Variants in ZNF568 observed in about 807,000 individuals in gnomAD.
The protein encoded by ZNF568 is p53 inhibitor of SCO2 activation.
In ZNF568, 11 loss-of-function variants were observed where a neutral mutation model predicts 18.1. The ratio of observed to expected loss-of-function variants is 0.61; its 90% CI spans 0.38 to 1.00. The LOEUF is 1.00. Ranked by LOEUF, ZNF568 falls within the 50% of genes least tolerant of loss-of-function variation. The probability of loss-of-function intolerance (pLI) is 0.01; values close to 1 mark genes in which losing one functional copy is unlikely to be tolerated. For missense variants in ZNF568, 639 were observed against 768.2 expected (o/e 0.83, Z 1.99); for synonymous variants, 213 against 246.6 (o/e 0.86, Z 1.28).
At chr19:36,991,475 C>T in intron 3 of ZNF568, 1 of 899,068 alleles carries the variant, frequency 1.1e-6, no homozygotes, top group Non-Finnish European at 1.6e-6. Context: ...TGGAAATTGG[C>T]TGTTCCAGCA....
chr19:36,991,075 A>G (rs1004026225), intron 2 of ZNF568: 2 of 1,306,572 alleles, frequency 1.5e-6, no homozygotes, highest in Non-Finnish European at 2.1e-6. Context: ...TGTTTTCCTA[A>G]TGGAACTTCC....
At chr19:36,964,745 G>A (rs1027821954) in intron 6 of ZNF568, among the ~76,000 whole-genome samples, 1 of 152,124 alleles carries the variant, frequency 6.6e-6, no homozygotes, top group Admixed American at 6.5e-5. Flanking sequence ...AGCTCAGGAG[G>A]TTGGGGCTGC....
Position 36,950,328 on chromosome 19 carries a change from G to T in ZNF568, c.1175G>T (p.Cys392Phe), listed in dbSNP as rs748511814. The T allele has an allele frequency of 1.2e-6, 2 of 1,613,838 alleles. No homozygotes were observed. The highest frequency in any genetic ancestry group is 1.7e-6 in the Non-Finnish European group (2 of 1,179,834). ...CACACAGGGGAGAAACCCTATAAAT[G>T]TAATAAATGTGGAAAAGCTTTCTCT... ...RSHTGEKPYK[C>F]NKCGKAFSQC... The change falls in exon 7 of 7, where the codon TGT becomes TTT. Residue 392 changes from cysteine to phenylalanine, a missense_variant. Cys to Phe is a radical substitution (Grantham distance 205). Coordinates refer to ENST00000333987, the MANE Select transcript of ZNF568 (RefSeq NM_198539.4).
rs948386224 is a variant in ZNF568 at position 36,968,959 on chromosome 19, G to A, written c.359-5461G>A. Among the ~76,000 whole-genome samples the A allele has an allele frequency of 4.6e-5, 7 of 151,760 alleles. No individual in the cohort carries two copies. In the South Asian group the frequency reaches 6.2e-4, roughly 14 times the overall value. On this transcript the variant is annotated intron_variant, in intron 6 of 7. Coordinates refer to the ZNF568 transcript ENST00000427117. The stretch of plus-strand genomic sequence containing the variant: ...CAACCTCCGCCTCCTAGGTTCAAGC[G>A]ATTCTCCTGCCTCAGCCTCCTGAGT...
At chr19:36,946,072 C>T (rs1240083637) in intron 6 of ZNF568, among the ~76,000 whole-genome samples, 5 of 151,530 alleles carry the variant, frequency 3.3e-5, no homozygotes, top group South Asian at 2.1e-4. Context: ...TCCAGCCTGG[C>T]GACAGAGTGA....
intron 6 of ZNF568, among the ~76,000 whole-genome samples, chr19:36,963,750 C>T (rs1303170107): frequency 2.0e-5 from 3 of 151,970 alleles, no homozygotes; most frequent in Admixed American, 1.3e-4. Flanking sequence ...AGGCGTATCA[C>T]GAGGTCAAGA....
intron 4 of ZNF568, among the ~76,000 whole-genome samples, chr19:36,933,781 C>G (rs2073729447): frequency 6.6e-6 from 1 of 151,422 alleles, no homozygotes; most frequent in Non-Finnish European, 1.5e-5. Context: ...TGTGTCCCCT[C>G]CTTTTATTCA....
At chr19:36,958,817 C>T (rs763132889) in intron 6 of ZNF568, among the ~76,000 whole-genome samples, 24 of 151,828 alleles carry the variant, frequency 1.6e-4, no homozygotes, top group Non-Finnish European at 2.4e-4. Context: ...GACAGGGTTT[C>T]GCCATGTTGG....
intron 3 of ZNF568, among the ~76,000 whole-genome samples, chr19:36,924,134 C>G (rs1392421459): frequency 6.6e-6 from 1 of 152,052 alleles, no homozygotes; most frequent in Non-Finnish European, 1.5e-5. Context: ...TTAAAAATGT[C>G]ATTAGAAACA....
At chr19:36,937,327 G>C in intron 6 of ZNF568, 85 bp downstream of exon 6, 1 of 1,181,140 alleles carries the variant, frequency 8.5e-7, no homozygotes, top group East Asian at 2.4e-5. Flanking sequence ...CAATTTCCAA[G>C]ATTTTCTTAA....
chr19:36,970,334 T>C lies in ZNF568; in HGVS notation c.359-4086T>C, dbSNP rs1176547557. 1.7e-5 allele frequency among the ~76,000 whole-genome samples: 2 copies of C among 119,598 alleles called. 1 individual carries two copies. Among genetic ancestry groups the C allele is most frequent in the Non-Finnish European group, 3.6e-5 (2 of 55,598 alleles). 78.5% of individuals were successfully genotyped at this position (119,598 alleles called of 152,430 possible). ...TACTTTTCTTTTGGCCTGTCTTTAT[T>C]GAATTTCTTTTCTTTTCTTTTCTTT... On this transcript the variant is annotated intron_variant, in intron 6 of 7. Coordinates refer to the ZNF568 transcript ENST00000427117.
At chr19:36,958,616 CT>C (rs35494587) in intron 6 of ZNF568, among the ~76,000 whole-genome samples, 267 of 99,070 alleles carry the variant, frequency 2.7e-3, no homozygotes, top group African/African-American at 9.0e-3. Context: ...CTTTTTCTTT[CT>C]TTTTTTTTTT....
At chr19:36,953,692 A>G (rs2074086110), downstream of ZNF568, among the ~76,000 whole-genome samples, 1 of 152,080 alleles carries the variant, frequency 6.6e-6, no homozygotes, top group Non-Finnish European at 1.5e-5. Context: ...CGGGTGGATC[A>G]CCTGAGGTCA....
intron 6 of ZNF568, among the ~76,000 whole-genome samples, chr19:36,967,811 T>G (rs472226): frequency 0.36 from 54,602 of 151,994 alleles, 10,087 homozygotes; most frequent in African/African-American, 0.41. Flanking sequence ...ATGAGTTGTT[T>G]CATCACAATG....
At chr19:36,917,754 C>A (rs2073370459) in intron 2 of ZNF568, 106 bp downstream of exon 2, 1 of 152,170 alleles carries the variant, frequency 6.6e-6, no homozygotes, top group Admixed American at 6.5e-5. Flanking sequence ...GCACATATAT[C>A]TTTTTTTATT....
Position 36,949,831 on chromosome 19 carries a change from G to A in ZNF568, c.678G>A (p.Gln226=). Reference sequence around the variant, plus strand: ...TTGTAACCCCCTTTAAGTGTAATCAGTGTGGACAAGACTTCAGTCATAAAT... The same window carrying A: ...TTGTAACCCCCTTTAAGTGTAATCAATGTGGACAAGACTTCAGTCATAAAT... ...SYVVTPFKCN[Q]CGQDFSHKFD... The change falls in exon 7 of 7, where the codon CAG becomes CAA. Residue 226 remains glutamine, a synonymous_variant. Transcript: ENST00000333987. 1.2e-6 allele frequency: 2 copies of A among 1,613,986 alleles called. No homozygotes were observed. Among genetic ancestry groups the A allele is most frequent in the Non-Finnish European group, 8.5e-7 (1 of 1,179,948 alleles).
chr19:36,950,488 C>T lies in ZNF568; in HGVS notation c.1335C>T (p.Pro445=). 1 of 1,613,388 alleles carries T rather than the reference C, an allele frequency of 6.2e-7. No individual in the cohort carries two copies. Among genetic ancestry groups the T allele is most frequent in the Non-Finnish European group, 8.5e-7 (1 of 1,179,698 alleles). Reference sequence around the variant, plus strand: ...TGCGAAATCATACAGCTGAGAAACCCTATGAATGTAAGGAATGTGGAAAAG... The same window carrying T: ...TGCGAAATCATACAGCTGAGAAACCTTATGAATGTAAGGAATGTGGAAAAG... ...VHMRNHTAEK[P]YECKECGKAF... The change falls in exon 7 of 7, where the codon CCC becomes CCT. Residue 445 remains proline, a synonymous_variant. Coordinates refer to ENST00000333987, the MANE Select transcript of ZNF568 (RefSeq NM_198539.4).
chr19:36,991,135 T>C, intron 2 of ZNF568: 1 of 1,509,608 alleles, frequency 6.6e-7, no homozygotes, highest in Middle Eastern at 1.7e-4. Context: ...AAAGATTTTG[T>C]CCATGAATTT....
rs770240517 is a variant in ZNF568, at chr19:36,949,878, G to A, written c.725G>A (p.Arg242Gln). ...SHKFDLIRHERIHAGEKPYEC... is the reference protein window; with the variant it reads ...SHKFDLIRHEQIHAGEKPYEC... ...AAATTTGACCTCATTAGACATGAGC[G>A]AATTCATGCTGGAGAGAAACCTTAC... The change falls in exon 7 of 7, where the codon CGA (arginine) becomes CAA (glutamine). Residue 242 changes from arginine (R) to glutamine (Q), a missense_variant. Arg to Gln is a conservative substitution (Grantham distance 43, BLOSUM62 1). Transcript: ENST00000333987. The A allele has an allele frequency of 3.5e-5, 56 of 1,613,800 alleles. No individual in the cohort carries two copies. The highest frequency in any genetic ancestry group is 1.3e-4 in the East Asian group (6 of 44,868).
Sources: allele counts gnomAD v4.1 joint callset (sites outside exome capture counted in the v4.1 genomes callset), GRCh38; gene constraint gnomAD v4.1.1; transcripts MANE v1.5; gene names NCBI Gene and HGNC (gene_info 2026-07-23, HGNC 2026-07-21).